NDUFAB1: variants seen among roughly 807,000 people sequenced by gnomAD.
NDUFAB1 encodes the protein NADH:ubiquinone oxidoreductase subunit AB1.
NDUFAB1 carries 5 observed loss-of-function variants against 16.1 expected under a neutral mutation model. The observed-to-expected ratio is 0.31, with a 90% CI of 0.16 to 0.65. NDUFAB1 has a LOEUF of 0.65. NDUFAB1 is among the 30% of genes least tolerant of loss of function. NDUFAB1 has a pLI of 0.77. For missense variants in NDUFAB1, 187 were observed against 205.3 expected, an observed-to-expected ratio of 0.91 and a Z score of 0.54; for synonymous variants, 85 against 78.4, an observed-to-expected ratio of 1.08 and a Z score of -0.44.
At chr16:23,595,710 G>A (rs1966319224) in intron 1 of NDUFAB1, 2 of 457,200 alleles carry the variant, frequency 4.4e-6, no homozygotes, top group East Asian at 6.5e-5. Flanking sequence ...CAGTGTGGCT[G>A]CCTCTTTGCA....
intron 1 of NDUFAB1, among the ~76,000 whole-genome samples, chr16:23,588,799 G>A (rs2142235665): frequency 6.6e-6 from 1 of 152,244 alleles, no homozygotes; most frequent in South Asian, 2.1e-4. Context: ...CCAACATGGT[G>A]AAGCCTCGTC....
At chr16:23,593,572 C>A (rs896251881) in intron 1 of NDUFAB1, among the ~76,000 whole-genome samples, 2 of 152,130 alleles carry the variant, frequency 1.3e-5, no homozygotes, top group South Asian at 4.1e-4. Context: ...CAAGCCAAGC[C>A]GCCATAGTGG....
intron 1 of NDUFAB1, among the ~76,000 whole-genome samples, chr16:23,587,767 C>A (rs1597054540): frequency 6.6e-6 from 1 of 152,260 alleles, no homozygotes; most frequent in Non-Finnish European, 1.5e-5. Flanking sequence ...AAAGGCAATT[C>A]AAATTGAGGA....
At chr16:23,582,471 T>A in intron 3 of NDUFAB1, 96 bp from the exon 4 acceptor site, 1 of 1,355,898 alleles carries the variant, frequency 7.4e-7, no homozygotes, top group East Asian at 2.9e-5. Context: ...TACAAGTATA[T>A]CAAAACTTTC....
At chr16:23,589,839 A>G (rs1966263277) in intron 1 of NDUFAB1, among the ~76,000 whole-genome samples, 1 of 149,726 alleles carries the variant, frequency 6.7e-6, no homozygotes, top group Non-Finnish European at 1.5e-5. Context: ...AGGAGGCTGA[A>G]GTGGGAGGAT....
intron 1 of NDUFAB1, among the ~76,000 whole-genome samples, chr16:23,590,086 C>T (rs1422492320): frequency 6.6e-6 from 1 of 152,084 alleles, no homozygotes; most frequent in Non-Finnish European, 1.5e-5. Context: ...AAAGCAAGAC[C>T]CCTGGTGAGG....
intron 2 of NDUFAB1, among the ~76,000 whole-genome samples, chr16:23,586,522 A>G (rs980325634): frequency 6.6e-6 from 1 of 150,914 alleles, no homozygotes; most frequent in Non-Finnish European, 1.5e-5. Context: ...TTTAGTAGAG[A>G]TGGGGTTTCA....
At chr16:23,590,664 T>C (rs1966272754) in intron 1 of NDUFAB1, among the ~76,000 whole-genome samples, 1 of 132,394 alleles carries the variant, frequency 7.6e-6, no homozygotes, top group Non-Finnish European at 1.6e-5. Flanking sequence ...TCAGACAGAG[T>C]CTCACTGTGT....
At chr16:23,583,139 A>C (rs1313991286) in intron 3 of NDUFAB1, among the ~76,000 whole-genome samples, 2 of 152,224 alleles carry the variant, frequency 1.3e-5, no homozygotes, top group Non-Finnish European at 2.9e-5. Flanking sequence ...CCCAGGCTGG[A>C]GTGCAGTGGC....
At chr16:23,596,058 C>A (rs1966322927) in intron 1 of NDUFAB1, 65 bp downstream of exon 1, 1 of 1,533,774 alleles carries the variant, frequency 6.5e-7, no homozygotes. Context: ...GGATGCCCGG[C>A]CCCCACCCCC....
intron 2 of NDUFAB1, among the ~76,000 whole-genome samples, chr16:23,586,720 C>T (rs771644038): frequency 2.6e-5 from 4 of 152,052 alleles, no homozygotes; most frequent in South Asian, 2.1e-4. Context: ...GCTATCTCGG[C>T]TCACTGCAAC....
intron 1 of NDUFAB1, 44 bp from the exon 2 acceptor site, chr16:23,587,363 T>C (rs373660950): frequency 9.3e-6 from 15 of 1,607,350 alleles, no homozygotes; most frequent in South Asian, 5.5e-5. Context: ...GAATGGAAAA[T>C]ACCTCTAAAT....
In NDUFAB1 at chr16:23,596,155, C is replaced by G; in HGVS notation, c.136G>C (p.Gly46Arg). The change falls in exon 1 of 5, where the codon GGG becomes CGG. Residue 46 changes from glycine (G) to arginine (R), a missense_variant. Physicochemically the swap from Gly to Arg is moderately radical, Grantham distance 125 (BLOSUM62 -2). Around this residue, in one of 3 missense-constraint regions of NDUFAB1, gnomAD observed 135 missense variants for 129.4 expected, o/e 1.04. Coordinates refer to ENST00000007516, the MANE Select transcript of NDUFAB1 (RefSeq NM_005003.3). ...AGCACTAAGGCCGGCTGCAAAGTCC[C>G]GAGCCTCGTCTGGGTCCCCGCGGAG... is the stretch of plus-strand genomic sequence containing the variant. ...LCSAGTQTRLGTLQPALVLAQ... is the reference protein window; with the variant it reads ...LCSAGTQTRLRTLQPALVLAQ... 1 of 1,610,406 alleles carries G rather than the reference C, an allele frequency of 6.2e-7. No homozygotes were observed. The highest frequency in any genetic ancestry group is 8.5e-7 in the Non-Finnish European group (1 of 1,178,682).
At chr16:23,596,025 C>T (rs2142241209) in intron 1 of NDUFAB1, 98 bp downstream of exon 1, 1 of 1,436,024 alleles carries the variant, frequency 7.0e-7, no homozygotes, top group East Asian at 2.5e-5. Context: ...CCGGGTCACC[C>T]CTGCCTGCAG....
chr16:23,586,777 T>C (rs398505), intron 2 of NDUFAB1, among the ~76,000 whole-genome samples: 16,277 of 152,158 alleles, frequency 0.11, 1,048 homozygotes, highest in African/African-American at 0.18. Context: ...GCCTCCCGAG[T>C]AGCTGGGATT....
intron 3 of NDUFAB1, among the ~76,000 whole-genome samples, chr16:23,584,265 A>AAAAAAAAAAAAAAAAAAAAAAAG (rs1567407406): frequency 7.4e-6 from 1 of 134,296 alleles, no homozygotes; most frequent in East Asian, 2.2e-4. Flanking sequence ...TAAAAAAAAA[A>AAAAAAAAAAAAAAAAAAAAAAAG]AAAAAAAAAG....
chr16:23,593,157 G>A (rs771448723), intron 1 of NDUFAB1, among the ~76,000 whole-genome samples: 8 of 152,168 alleles, frequency 5.3e-5, no homozygotes, highest in Non-Finnish European at 1.2e-4. Context: ...CAAAAAATTA[G>A]GGGTGGTGGC....
chr16:23,595,780 G>A, intron 1 of NDUFAB1: 2 of 483,032 alleles, frequency 4.1e-6, no homozygotes, highest in South Asian at 3.8e-5. Flanking sequence ...TGCTCTAGCC[G>A]CATTAACTCA....
At chr16:23,591,666 A>T (rs1966280274) in intron 1 of NDUFAB1, among the ~76,000 whole-genome samples, 1 of 152,108 alleles carries the variant, frequency 6.6e-6, no homozygotes, top group South Asian at 2.1e-4. Context: ...TGCAGCATAC[A>T]GCTCCCTTCA....
Sources: gnomAD v4.1 joint callset for allele counts (sites outside exome capture counted in the v4.1 genomes callset) on GRCh38, gnomAD v4.1.1 for gene constraint, gnomAD v4.1.1 regional missense constraint, MANE v1.5 for transcripts, NCBI Gene and HGNC (gene_info 2026-07-23, HGNC 2026-07-21) for gene names.